The following SLC22A23 variants were observed in gnomAD, a reference collection of about 807,000 sequenced individuals.
SLC22A23 encodes solute carrier family 22 member 23.
In SLC22A23, 26 loss-of-function variants were observed where a neutral mutation model predicts 61.0. The ratio of observed to expected loss-of-function variants is 0.43; its 90% CI spans 0.31 to 0.59. The LOEUF (loss-of-function observed/expected upper bound fraction) is 0.59, where lower values mean the gene tolerates loss of function less well. Ranked by LOEUF, SLC22A23 falls within the 20% of genes least tolerant of loss-of-function variation. SLC22A23 has a pLI of 0.11. For missense variants in SLC22A23, 796 were observed against 934.7 expected (o/e 0.85, Z 1.94); for synonymous variants, 430 against 413.9 (o/e 1.04, Z -0.47).
intron 3 of SLC22A23, among the ~76,000 whole-genome samples, chr6:3,343,740 G>A (rs1764275843): frequency 6.6e-6 from 1 of 152,170 alleles, no homozygotes; most frequent in Non-Finnish European, 1.5e-5. Flanking sequence ...GATGACCTTG[G>A]GGAGCTGGCT....
rs762466633 is a variant in SLC22A23 at position 3,273,456 on chromosome 6, G to T, written c.1704-44C>A. Reference sequence around the variant, plus strand: ...ACAGGGATTGCTGCTGTGGGCTAGCGGGCTGGATCCCGGGAAAGCTCGGGG... The same window carrying T: ...ACAGGGATTGCTGCTGTGGGCTAGCTGGCTGGATCCCGGGAAAGCTCGGGG... On this transcript the variant is annotated intron_variant, in intron 9 of 9. Transcript: ENST00000406686. The T allele has an allele frequency of 3.8e-6, 6 of 1,598,868 alleles. No individual in the cohort carries two copies. In the East Asian group the frequency reaches 8.9e-5, roughly 24 times the overall value.
chr6:3,349,211 C>T (rs578105791), intron 3 of SLC22A23, among the ~76,000 whole-genome samples: 2 of 152,332 alleles, frequency 1.3e-5, no homozygotes, highest in Non-Finnish European at 2.9e-5. Context: ...GCAGAACCCT[C>T]GAGGAAGCCT....
rs1761861335 is a variant in SLC22A23, at chr6:3,304,838, C to G, written c.1083-6620G>C. Among the ~76,000 whole-genome samples, 1 of 152,126 alleles carries G rather than the reference C, an allele frequency of 6.6e-6. No homozygotes were observed. ...CGGTGCATTTGTTGTGTTCAGAGAG[C>G]TGCAAGCTGATAAACCCGAATGCTG... On this transcript the variant is annotated intron_variant, in intron 4 of 9. Coordinates refer to ENST00000406686, the MANE Select transcript of SLC22A23 (RefSeq NM_015482.2). This position sits in a 1 kb window ranked among gnomAD's most constrained non-coding sequence, Gnocchi z 4.3.
At chr6:3,347,505 C>T (rs911525141) in intron 3 of SLC22A23, among the ~76,000 whole-genome samples, 1 of 151,890 alleles carries the variant, frequency 6.6e-6, no homozygotes, top group Non-Finnish European at 1.5e-5. Flanking sequence ...CCCTGGGTAA[C>T]AGGAGGCAGG....
chr6:3,379,377 T>C (rs1179986977), intron 3 of SLC22A23, among the ~76,000 whole-genome samples: 1 of 152,212 alleles, frequency 6.6e-6, no homozygotes. Flanking sequence ...TAATGCTCCC[T>C]GATAAAGTTC....
intron 3 of SLC22A23, among the ~76,000 whole-genome samples, chr6:3,375,883 C>T (rs774204036): frequency 5.1e-4 from 78 of 152,274 alleles, no homozygotes; most frequent in Non-Finnish European, 8.8e-5. Flanking sequence ...GGAAAACACA[C>T]GCCTATTCTG....
intron 3 of SLC22A23, among the ~76,000 whole-genome samples, chr6:3,326,802 G>A (rs751566722): frequency 6.6e-6 from 1 of 152,202 alleles, no homozygotes; most frequent in Non-Finnish European, 1.5e-5. Context: ...TTCTGAAGGT[G>A]GCTATAAAGA....
At chr6:3,289,016 C>T (rs545116885) in intron 6 of SLC22A23, among the ~76,000 whole-genome samples, 3 of 152,354 alleles carry the variant, frequency 2.0e-5, no homozygotes, top group East Asian at 1.9e-4. Flanking sequence ...GGTGGCAGCT[C>T]GAGACCTTTC....
At chr6:3,320,708 A>C (rs1481126166) in intron 4 of SLC22A23, among the ~76,000 whole-genome samples, 1 of 152,148 alleles carries the variant, frequency 6.6e-6, no homozygotes, top group Non-Finnish European at 1.5e-5. Context: ...TAAAGCCAAT[A>C]ATTCTAGTGG....
intron 3 of SLC22A23, among the ~76,000 whole-genome samples, chr6:3,393,141 C>T (rs1767774176): frequency 6.6e-6 from 1 of 152,120 alleles, no homozygotes; most frequent in South Asian, 2.1e-4. Flanking sequence ...CCTGTGGCAG[C>T]CTGGAGGCTG....
At chr6:3,412,098 C>T (rs188079892) in intron 2 of SLC22A23, among the ~76,000 whole-genome samples, 12 of 152,262 alleles carry the variant, frequency 7.9e-5, no homozygotes, top group Admixed American at 2.0e-4. Context: ...CAACGCCTGG[C>T]GCAGAGGAAA....
chr6:3,339,994 A>G (rs1011303575), intron 3 of SLC22A23, among the ~76,000 whole-genome samples: 1 of 152,174 alleles, frequency 6.6e-6, no homozygotes, highest in African/African-American at 2.4e-5. Flanking sequence ...TGGCTGAGGA[A>G]CATCTGAGCC....
rs924962311 is a variant in SLC22A23 at position 3,269,895 on chromosome 6, C to G, written c.*3160G>C. On this transcript the variant is annotated 3_prime_UTR_variant, in exon 10 of 10. Coordinates refer to ENST00000406686, the MANE Select transcript of SLC22A23 (RefSeq NM_015482.2). ...GCGGTGGTGTCTGAGTGTGATACTT[C>G]CCTTACGAGGTTTGTTTTTGTTTTC... 2.6e-5 allele frequency: 4 copies of G among 152,824 alleles called. No individual in the cohort carries two copies. Among genetic ancestry groups the G allele is most frequent in the Non-Finnish European group, 5.9e-5 (4 of 68,040 alleles). The allele number at this position is 152,824 out of a possible 1,614,324, so 9.5% of individuals were successfully genotyped here.
chr6:3,424,242 C>G (rs1770330666), intron 1 of SLC22A23, among the ~76,000 whole-genome samples: 1 of 152,206 alleles, frequency 6.6e-6, no homozygotes, highest in Non-Finnish European at 1.5e-5. Context: ...CCTCCATGCC[C>G]TTGGCCCATG....
At chr6:3,363,786 C>A (rs1038051502) in intron 3 of SLC22A23, among the ~76,000 whole-genome samples, 6 of 152,282 alleles carry the variant, frequency 3.9e-5, no homozygotes, top group African/African-American at 1.4e-4. Flanking sequence ...TTGGCCTCTG[C>A]TCAGCCATCT....
At chr6:3,391,985 A>G (rs1767693943) in intron 3 of SLC22A23, among the ~76,000 whole-genome samples, 1 of 151,926 alleles carries the variant, frequency 6.6e-6, no homozygotes. Context: ...CAAACCATGC[A>G]AGATAGCATG....
chr6:3,345,271 C>G (rs1025138153), intron 3 of SLC22A23, among the ~76,000 whole-genome samples: 1 of 152,008 alleles, frequency 6.6e-6, no homozygotes, highest in African/African-American at 2.4e-5. Context: ...TTTATATAGT[C>G]CATCTCCAGT....
rs111731770 is a variant in SLC22A23 at position 3,387,326 on chromosome 6, T to C, written c.913+22862A>G. Among the ~76,000 whole-genome samples the C allele has an allele frequency of 1.8e-3, 269 of 152,328 alleles. 4 individuals are homozygous for C. Among genetic ancestry groups the C allele is most frequent in the African/African-American group, 6.3e-3 (262 of 41,570 alleles). On this transcript the variant is annotated intron_variant, in intron 3 of 9. Transcript: ENST00000406686. This position sits in a 1 kb window ranked among gnomAD's most constrained non-coding sequence, Gnocchi z 5.0. ...ATGAGCAGGGTGGTGCTCTTCCCCC[T>C]AGTCTGATCAAGAGAAAGTATCAGA...
intron 3 of SLC22A23, among the ~76,000 whole-genome samples, chr6:3,362,296 C>T (rs1006493439): frequency 2.3e-4 from 34 of 150,936 alleles, no homozygotes; most frequent in South Asian, 1.7e-3. Flanking sequence ...CCCAGCTACT[C>T]GGGAGCTGAG....
Sources: allele counts gnomAD v4.1 joint callset (sites outside exome capture counted in the v4.1 genomes callset), GRCh38; gene constraint gnomAD v4.1.1; non-coding constraint Gnocchi (gnomAD v3.1); transcripts MANE v1.5; gene names NCBI Gene and HGNC (gene_info 2026-07-23, HGNC 2026-07-21).